The following S1PR5 variants were observed in gnomAD, a reference collection of about 807,000 sequenced individuals.
The protein encoded by S1PR5 is sphingosine 1-phosphate receptor 5.
For missense variants in S1PR5, 583 were observed against 571.7 expected (o/e 1.02, Z -0.20); for synonymous variants, 307 against 284.7 (o/e 1.08, Z -0.79).
Position 10,514,829 on chromosome 19 carries a change from G to A in S1PR5, c.183C>T (p.Leu61=), listed in dbSNP as rs1453041440. ...GAGCGTGGAAGCGCGGGTGGCGTCC[G>A]AGCACCAACAACACGGCTAGATTCT... The part of the protein sequence containing the change: ...VLENLAVLLV[L]GRHPRFHAPM... The change falls in exon 2 of 2, where the codon CTC becomes CTT. Residue 61 remains leucine, a synonymous_variant. Transcript: ENST00000333430. 4.3e-6 allele frequency: 7 copies of A among 1,613,008 alleles called. No homozygotes were observed. In the South Asian group the frequency reaches 7.7e-5, roughly 18 times the overall value.
chr19:10,514,286 G>C lies in S1PR5; in HGVS notation c.726C>G (p.Arg242=), dbSNP rs768487563. The change falls in exon 2 of 2, where the codon CGC becomes CGG. Residue 242 remains arginine, a synonymous_variant. Transcript: ENST00000333430. The part of the protein sequence containing the change: ...TAGTTSTRAR[R]KPRSLALLRT... ...GCAGCAAGGCCAGCGAGCGCGGCTT[G>C]CGACGCGCCCGGGTCGAGGTGGTCC... 1.3e-6 allele frequency: 2 copies of C among 1,572,934 alleles called. No individual in the cohort carries two copies. Among genetic ancestry groups the C allele is most frequent in the Non-Finnish European group, 1.7e-6 (2 of 1,160,096 alleles).
chr19:10,514,970 G>GGT lies in S1PR5; in HGVS notation c.41_42insAC (p.Ile15ProfsTer39), dbSNP rs1915397115. 6.3e-7 allele frequency: 1 copy of GGT among 1,588,886 alleles called. No individual in the cohort carries two copies. The highest frequency in any genetic ancestry group is 8.5e-7 in the Non-Finnish European group (1 of 1,170,106). The stretch of plus-strand genomic sequence containing the variant: ...CGGTGTAGTTGTAATGCAGGACGAT[G>GGT]ACCTCGCTCACCGGCGCCGGCCGCA... On this transcript the variant is annotated frameshift_variant, in exon 2 of 2. Transcript: ENST00000333430. LOFTEE classifies it low-confidence loss of function (END_TRUNC).
In S1PR5 at chr19:10,514,186, C is replaced by A. The variant is rs776656210; in HGVS notation, c.826G>T (p.Ala276Ser). 2.7e-5 allele frequency: 43 copies of A among 1,612,368 alleles called. No individual in the cohort carries two copies. In the South Asian group the frequency reaches 4.5e-4, roughly 17 times the overall value. Reference protein sequence around the residue: ...PLFLLLLLDVACPARTCPVLL... With the variant: ...PLFLLLLLDVSCPARTCPVLL... ...ACAGGACAGGTGCGCGCCGGGCACG[C>A]CACGTCGAGCAACAGCAGCAGGAAG... Residue 276 changes from alanine to serine, a missense_variant, in exon 2 of 2, where the codon GCG becomes TCG. Coordinates refer to ENST00000333430, the MANE Select transcript of S1PR5 (RefSeq NM_030760.5).
At chr19:10,517,299 G>A in intron 1 of S1PR5, 99 bp downstream of exon 1, 1 of 880,658 alleles carries the variant, frequency 1.1e-6, no homozygotes, top group Non-Finnish European at 1.4e-6. Flanking sequence ...CCTGCAAGGA[G>A]TGGTGCGCCT....
Position 10,514,343 on chromosome 19 carries a change from C to A in S1PR5, c.669G>T (p.Ala223=). The A allele has an allele frequency of 6.4e-7, 1 of 1,566,540 alleles. No homozygotes were observed. Among genetic ancestry groups the A allele is most frequent in the Non-Finnish European group, 8.6e-7 (1 of 1,157,516 alleles). ...TCCCGGGCCGTGCCGGCAGGCGCCG[C>A]GCGTTGGCGCGTACCTGGCAGTAGA... ...ARIYCQVRAN[A]RRLPARPGTA... is the part of the protein sequence containing the mutation. Residue 223 remains alanine, a synonymous_variant, in exon 2 of 2, where the codon GCG becomes GCT. Transcript: ENST00000333430.
chr19:10,515,607 T>A (rs754435953), intron 1 of S1PR5, among the ~76,000 whole-genome samples: 2 of 151,752 alleles, frequency 1.3e-5, no homozygotes, highest in Non-Finnish European at 2.9e-5. Context: ...AGCGAGACTC[T>A]GTCTCAAAAC....
At chr19:10,515,338 C>T (rs915989745) in intron 1 of S1PR5, among the ~76,000 whole-genome samples, 1 of 151,966 alleles carries the variant, frequency 6.6e-6, no homozygotes, top group Non-Finnish European at 1.5e-5. Context: ...GTAATCCCCC[C>T]AGGCTCAGGC....
Position 10,514,901 on chromosome 19 carries a change from G to C in S1PR5, c.111C>G (p.Arg37=). 1 of 1,611,184 alleles carries C rather than the reference G, an allele frequency of 6.2e-7. No homozygotes were observed. The highest frequency in any genetic ancestry group is 1.7e-4 in the Middle Eastern group (1 of 6,008). The change falls in exon 2 of 2, where the codon CGC becomes CGG. Residue 37 remains arginine (R), a synonymous_variant. Transcript: ENST00000333430. ...CCGCCAGGCACACCACGGCGTCGGCGCGCAGGCCGGCACCCGGCTGGTAGC... is the reference window on the plus strand; with the variant it reads ...CCGCCAGGCACACCACGGCGTCGGCCCGCAGGCCGGCACCCGGCTGGTAGC... ...GARYQPGAGL[R]ADAVVCLAVC... is the part of the protein sequence containing the mutation.
chr19:10,513,803 G>A lies in S1PR5; in HGVS notation c.*12C>T, dbSNP rs1195056326. 6.2e-7 allele frequency: 1 copy of A among 1,611,034 alleles called. No homozygotes were observed. Among genetic ancestry groups the A allele is most frequent in the Non-Finnish European group, 8.5e-7 (1 of 1,179,236 alleles). On this transcript the variant is annotated 3_prime_UTR_variant, in exon 2 of 2. Transcript: ENST00000333430. ...CTGTAAAACTTGGGAAGACAGTCGTGGGCCGAGGGTGTCAGTCTGCAGCCG... is the reference window on the plus strand; with the variant it reads ...CTGTAAAACTTGGGAAGACAGTCGTAGGCCGAGGGTGTCAGTCTGCAGCCG...
At position 10,514,226 on chromosome 19, in the gene S1PR5, T is replaced by A; in HGVS notation, c.786A>T (p.Ala262=). The A allele has an allele frequency of 6.2e-7, 1 of 1,608,318 alleles. No individual in the cohort carries two copies. The highest frequency in any genetic ancestry group is 2.2e-5 in the East Asian group (1 of 44,646). Residue 262 remains alanine, a synonymous_variant, in exon 2 of 2, where the codon GCA becomes GCT. Coordinates refer to ENST00000333430, the MANE Select transcript of S1PR5 (RefSeq NM_030760.5). The stretch of plus-strand genomic sequence containing the variant: ...GCAGCAGGAAGAGGGGGCCCCAACA[T>A]GCCACAAAGGCCAGGAGCACCACGC... The part of the protein sequence containing the change: ...TLSVVLLAFV[A]CWGPLFLLLL...
Position 10,513,238 on chromosome 19 carries a change from CAAG to C in S1PR5, c.*574_*576del, listed in dbSNP as rs995235485. 4.4e-5 allele frequency: 8 copies of C among 182,122 alleles called. No individual in the cohort carries two copies. Among genetic ancestry groups the C allele is most frequent in the African/African-American group, 1.6e-4 (7 of 42,880 alleles). 11.3% of individuals were successfully genotyped at this position (182,122 alleles called of 1,614,324 possible). A position where few individuals can be genotyped will look rare whatever the true frequency, so the allele number is the denominator to read the frequency against. On this transcript the variant is annotated 3_prime_UTR_variant, in exon 2 of 2. Transcript: ENST00000333430. Reference sequence around the variant, plus strand: ...ACACCTGTGATCACCTGAATTAGGGCAAGTCCCTCTTCTGCTTAGAAGCTTCTA... The same window carrying C: ...ACACCTGTGATCACCTGAATTAGGGCTCCCTCTTCTGCTTAGAAGCTTCTA...
In S1PR5 at chr19:10,514,413, G is replaced by A. The variant is rs1310913144; in HGVS notation, c.599C>T (p.Ala200Val). The A allele has an allele frequency of 3.1e-6, 5 of 1,609,280 alleles. No individual in the cohort carries two copies. The highest frequency in any genetic ancestry group is 1.3e-5 in the African/African-American group (1 of 74,876). The change falls in exon 2 of 2, where the codon GCC (alanine) becomes GTC (valine). Residue 200 changes from alanine (A) to valine (V), a missense_variant. Physicochemically the swap from Ala to Val is moderately conservative, Grantham distance 64 (BLOSUM62 0). Coordinates refer to ENST00000333430, the MANE Select transcript of S1PR5 (RefSeq NM_030760.5). ...GATAGCGGCCAGGATGCCCACGAAGGCGAGCACGCAGAAGAGCACGTAGGC... is the reference window on the plus strand; with the variant it reads ...GATAGCGGCCAGGATGCCCACGAAGACGAGCACGCAGAAGAGCACGTAGGC... The part of the protein sequence containing the change: ...AKAYVLFCVL[A>V]FVGILAAICA...
Position 10,514,935 on chromosome 19 carries a change from C to T in S1PR5, c.77G>A (p.Arg26His). 2.5e-6 allele frequency: 4 copies of T among 1,607,668 alleles called. No individual in the cohort carries two copies. The highest frequency in any genetic ancestry group is 3.4e-6 in the Non-Finnish European group (4 of 1,178,544). ...VLHYNYTGKL[R>H]GARYQPGAGL... is the part of the protein sequence containing the mutation. ...GGCACCCGGCTGGTAGCGCGCACCGCGGAGCTTGCCGGTGTAGTTGTAATG... is the reference window on the plus strand; with the variant it reads ...GGCACCCGGCTGGTAGCGCGCACCGTGGAGCTTGCCGGTGTAGTTGTAATG... Residue 26 changes from arginine to histidine, a missense_variant, in exon 2 of 2, where the codon CGC becomes CAC. Physicochemically the swap from Arg to His is conservative, Grantham distance 29. Transcript: ENST00000333430.
At chr19:10,515,164 G>A in intron 1 of S1PR5, 135 bp from the exon 2 acceptor site, 4 of 1,156,928 alleles carry the variant, frequency 3.5e-6, no homozygotes, top group Non-Finnish European at 4.7e-6. Flanking sequence ...GGGAGTTCAG[G>A]ATGGAGGGAT....
chr19:10,514,567 C>A lies in S1PR5; in HGVS notation c.445G>T (p.Gly149Trp). The change falls in exon 2 of 2, where the codon GGG (glycine) becomes TGG (tryptophan). Residue 149 changes from glycine to tryptophan, a missense_variant. Transcript: ENST00000333430. ...GCGGCTGCCATCGCCAGCGTGCGCC[C>A]CCGACTGGAGACGGGCGCGGGCCCC... ...RRGPAPVSSR[G>W]RTLAMAAAAW... 6.3e-7 allele frequency: 1 copy of A among 1,578,142 alleles called. No individual in the cohort carries two copies. Among genetic ancestry groups the A allele is most frequent in the Non-Finnish European group, 8.6e-7 (1 of 1,163,522 alleles).
At chr19:10,517,653 C>G, upstream of S1PR5, 1 of 985,448 alleles carries the variant, frequency 1.0e-6, no homozygotes, top group African/African-American at 1.7e-5. Context: ...CTGCCCCCTC[C>G]GGGCCTGGGC....
Position 10,515,000 on chromosome 19 carries a change from C to T in S1PR5, c.12G>A (p.Gly4=). 1 of 1,562,966 alleles carries T rather than the reference C, an allele frequency of 6.4e-7. No individual in the cohort carries two copies. Among genetic ancestry groups the T allele is most frequent in the South Asian group, 1.2e-5 (1 of 85,670 alleles). ...CGCTCACCGGCGCCGGCCGCAGCAG[C>T]CCCGACTCCATGGGCCGCGCGCCCC... is the stretch of plus-strand genomic sequence containing the variant. MES[G]LLRPAPVSEV... The change falls in exon 2 of 2, where the codon GGG becomes GGA. Residue 4 remains glycine, a synonymous_variant. Transcript: ENST00000333430.
chr19:10,514,379 G>C lies in S1PR5; in HGVS notation c.633C>G (p.Leu211=). 1 of 1,598,108 alleles carries C rather than the reference G, an allele frequency of 6.3e-7. No individual in the cohort carries two copies. The highest frequency in any genetic ancestry group is 8.5e-7 in the Non-Finnish European group (1 of 1,173,604). Residue 211 remains leucine, a synonymous_variant, in exon 2 of 2, where the codon CTC becomes CTG. Transcript: ENST00000333430. The part of the protein sequence containing the change: ...FVGILAAICA[L]YARIYCQVRA... ...GTACCTGGCAGTAGATGCGCGCGTAGAGTGCACAGATAGCGGCCAGGATGC... is the reference window on the plus strand; with the variant it reads ...GTACCTGGCAGTAGATGCGCGCGTACAGTGCACAGATAGCGGCCAGGATGC...
chr19:10,515,143 G>T (rs1915405235), intron 1 of S1PR5, 114 bp from the exon 2 acceptor site: 4 of 1,345,184 alleles, frequency 3.0e-6, no homozygotes, highest in Non-Finnish European at 4.0e-6. Flanking sequence ...CCCTATACAT[G>T]GTGTCCAAGG....
Sources: allele counts gnomAD v4.1 joint callset (sites outside exome capture counted in the v4.1 genomes callset), GRCh38; gene constraint gnomAD v4.1.1; transcripts MANE v1.5; gene names NCBI Gene and HGNC (gene_info 2026-07-23, HGNC 2026-07-21).